The following WRN variants were observed in gnomAD, a reference collection of about 807,000 sequenced individuals.
The protein encoded by WRN is bifunctional 3'-5' exonuclease/ATP-dependent helicase WRN.
In WRN, 149 loss-of-function variants were observed where a neutral mutation model predicts 180.7. The ratio of observed to expected loss-of-function variants is 0.82; its 90% confidence interval spans 0.72 to 0.94. The LOEUF (loss-of-function observed/expected upper bound fraction) is 0.94, where lower values mean the gene tolerates loss of function less well. Among genes scored for constraint, WRN ranks in the 40% least tolerant of loss-of-function variants. The pLI is 0.00. For missense variants in WRN, 1,661 were observed against 1,700.1 expected, an observed-to-expected ratio of 0.98 and a Z score of 0.40; for synonymous variants, 548 against 568.9, an observed-to-expected ratio of 0.96 and a Z score of 0.52.
intron 1 of WRN, among the ~76,000 whole-genome samples, chr8:31,050,481 C>T (rs1812040309): frequency 6.6e-6 from 1 of 151,580 alleles, no homozygotes; most frequent in Admixed American, 6.6e-5. Context: ...GACATACTGC[C>T]CTCTCTTTGT....
At chr8:31,146,349 A>G (rs924863449) in intron 28 of WRN, among the ~76,000 whole-genome samples, 15 of 151,286 alleles carry the variant, frequency 9.9e-5, no homozygotes, top group Non-Finnish European at 1.8e-4. Context: ...CAAATATTAT[A>G]TACACACTAC....
At chr8:31,129,465 A>G (rs73670463) in intron 23 of WRN, among the ~76,000 whole-genome samples, 4,008 of 152,272 alleles carry the variant, frequency 0.026, 172 homozygotes, top group African/African-American at 0.088. Context: ...GCTTGTCTCA[A>G]AATTCTTCAA....
At chr8:31,117,717 T>A (rs1389381645) in intron 20 of WRN, among the ~76,000 whole-genome samples, 1 of 152,148 alleles carries the variant, frequency 6.6e-6, no homozygotes, top group Non-Finnish European at 1.5e-5. Context: ...ATCTAGTTGT[T>A]ATCAGTGTTG....
At chr8:31,118,130 C>G (rs890207114) in intron 20 of WRN, among the ~76,000 whole-genome samples, 3 of 152,020 alleles carry the variant, frequency 2.0e-5, no homozygotes, top group Non-Finnish European at 4.4e-5. Flanking sequence ...TTGTTGGATG[C>G]GCCTGATTTT....
At chr8:31,161,855 A>AAAAG (rs1255017216) in intron 33 of WRN, among the ~76,000 whole-genome samples, 2 of 151,046 alleles carry the variant, frequency 1.3e-5, no homozygotes, top group Non-Finnish European at 3.0e-5. Context: ...AAAAAAAAAA[A>AAAAG]AGAGATAAAA....
At chr8:31,133,537 AAAAG>A (rs1802269074) in intron 24 of WRN, among the ~76,000 whole-genome samples, 3 of 152,160 alleles carry the variant, frequency 2.0e-5, no homozygotes, top group African/African-American at 7.2e-5. Context: ...TAAAAAAAAA[AAAAG>A]AAACATATTT....
At chr8:31,124,138 C>A (rs1801828643) in intron 21 of WRN, among the ~76,000 whole-genome samples, 1 of 152,058 alleles carries the variant, frequency 6.6e-6, no homozygotes, top group South Asian at 2.1e-4. Flanking sequence ...AAAGAATAAC[C>A]TTTTTACTGG....
intron 19 of WRN, among the ~76,000 whole-genome samples, chr8:31,114,896 T>A (rs796715118): frequency 0.18 from 25,761 of 144,270 alleles, 2,492 homozygotes; most frequent in South Asian, 0.24. Flanking sequence ...AAAATAAGGT[T>A]TTTTTTTTTT....
At chr8:31,106,686 C>T (rs1315989539) in intron 18 of WRN, among the ~76,000 whole-genome samples, 1 of 152,300 alleles carries the variant, frequency 6.6e-6, no homozygotes, top group Admixed American at 6.5e-5. Context: ...TTAGTTCCCC[C>T]TCCCCCATCA....
chr8:31,118,168 A>G (rs1050095447), intron 20 of WRN, among the ~76,000 whole-genome samples: 1 of 152,160 alleles, frequency 6.6e-6, no homozygotes, highest in Non-Finnish European at 1.5e-5. Context: ...TCATTAAAAC[A>G]GTAATGCTTT....
In WRN at chr8:31,150,443, A is replaced by G. The variant is rs759219832; in HGVS notation, c.3675A>G (p.Thr1225=). Reference sequence around the variant, plus strand: ...AAGTCATCAAACATTTCTGCCAAACAAATAGTGTTCAGGTAAAATACTGTG... The same window carrying G: ...AAGTCATCAAACATTTCTGCCAAACGAATAGTGTTCAGGTAAAATACTGTG... ...LLEVIKHFCQ[T]NSVQTDLFSS... is the part of the protein sequence containing the mutation. Residue 1225 remains threonine (T), a synonymous_variant, in exon 31 of 35, where the codon ACA becomes ACG. Coordinates refer to ENST00000298139, the MANE Select transcript of WRN (RefSeq NM_000553.6). 1.9e-6 allele frequency: 3 copies of G among 1,614,170 alleles called. No individual in the cohort carries two copies. The highest frequency in any genetic ancestry group is 2.2e-5 in the East Asian group (1 of 44,876).
chr8:31,117,674 T>TC (rs1801573698), intron 20 of WRN, among the ~76,000 whole-genome samples: 1 of 152,154 alleles, frequency 6.6e-6, no homozygotes, highest in African/African-American at 2.4e-5. Context: ...CCACCGGTCA[T>TC]CCATTTCTTC....
intron 17 of WRN, among the ~76,000 whole-genome samples, chr8:31,099,752 T>C (rs1188721074): frequency 1.3e-5 from 2 of 152,262 alleles, no homozygotes; most frequent in East Asian, 3.9e-4. Flanking sequence ...ATAATAGATA[T>C]TTATTAACCA....
intron 3 of WRN, among the ~76,000 whole-genome samples, chr8:31,060,702 G>C (rs1432982881): frequency 6.6e-6 from 1 of 152,202 alleles, no homozygotes; most frequent in East Asian, 1.9e-4. Context: ...TTTCACAGAG[G>C]AGGTAAAATC....
At chr8:31,045,354 A>C (rs977810633) in intron 1 of WRN, among the ~76,000 whole-genome samples, 2 of 151,984 alleles carry the variant, frequency 1.3e-5, no homozygotes, top group Non-Finnish European at 2.9e-5. Flanking sequence ...ATGGGATTAG[A>C]CATGCTATGT....
chr8:31,076,278 A>C lies in WRN; in HGVS notation c.830A>C (p.Asn277Thr), dbSNP rs749379604. Residue 277 changes from asparagine to threonine, a missense_variant, in exon 8 of 35, where the codon AAC becomes ACC. By Grantham distance (65) the Asn-to-Thr change is moderately conservative. Transcript: ENST00000298139. ...HLPHAFSKLE[N>T]PRRVSILLKD... is the part of the protein sequence containing the mutation. ...CCTCATGCTTTCAGTAAATTGGAAA[A>C]CCCACGGAGGTTAAATATTACCTTT... The C allele has an allele frequency of 1.2e-6, 2 of 1,612,624 alleles. No homozygotes were observed. Among genetic ancestry groups the C allele is most frequent in the East Asian group, 4.5e-5 (2 of 44,786 alleles).
At chr8:31,114,283 A>G (rs1165751717) in intron 19 of WRN, among the ~76,000 whole-genome samples, 3 of 152,130 alleles carry the variant, frequency 2.0e-5, no homozygotes, top group Admixed American at 6.5e-5. Context: ...AACTAACCCT[A>G]TTTTGTTAAA....
rs752542644 is a variant in WRN, at chr8:31,147,086, T to C, written c.3417T>C (p.Ser1139=). 113 of 1,613,724 alleles carry C rather than the reference T, an allele frequency of 7.0e-5. 3 individuals carry two copies. In the South Asian group the frequency reaches 1.2e-3, roughly 16 times the overall value. Residue 1139 remains serine (S), a synonymous_variant, in exon 29 of 35, where the codon AGT becomes AGC. Transcript: ENST00000298139. ...TACAGTCACCAGAAAAAGCTTACAG[T>C]TCCTCACAGCCTGTTATTTCGGCAC... ...IMVQSPEKAY[S]SSQPVISAQE...
chr8:31,110,742 A>G (rs1462578980), intron 18 of WRN, among the ~76,000 whole-genome samples: 1 of 152,190 alleles, frequency 6.6e-6, no homozygotes, highest in Non-Finnish European at 1.5e-5. Context: ...GCCAAAAAGA[A>G]TATTTTTAAG....
Sources: gnomAD v4.1 joint callset for allele counts (sites outside exome capture counted in the v4.1 genomes callset) on GRCh38, gnomAD v4.1.1 for gene constraint, MANE v1.5 for transcripts, NCBI Gene and HGNC (gene_info 2026-07-23, HGNC 2026-07-21) for gene names.